INTS10: variants seen among roughly 807,000 people sequenced by gnomAD.
INTS10 encodes integrator complex subunit 10, also known as chromosome 8 open reading frame 35.
In INTS10, 44 loss-of-function variants were observed where a neutral mutation model predicts 94.4. That is an observed-to-expected ratio of 0.47 (90% CI 0.37 to 0.60). INTS10 has a LOEUF of 0.60. Among genes scored for constraint, INTS10 ranks in the 20% least tolerant of loss-of-function variants. INTS10 has a pLI of 0.00. For synonymous variants in INTS10, 341 were observed against 320.7 expected, an observed-to-expected ratio of 1.06 and a Z score of -0.68; for missense variants, 797 against 868.7, an observed-to-expected ratio of 0.92 and a Z score of 1.04.
In INTS10 at chr8:19,826,411, T is replaced by C. The variant is rs1381126443; in HGVS notation, c.1007-15T>C. The C allele has an allele frequency of 1.2e-6, 2 of 1,601,256 alleles. No homozygotes were observed. The highest frequency in any genetic ancestry group is 1.1e-5 in the South Asian group (1 of 88,720). Reference sequence around the variant, plus strand: ...TGCTGCACTGGTAAGTGTTGGTGTTTTTCCCCGTCCTTAGGTCCTAATGCC... The same window carrying C: ...TGCTGCACTGGTAAGTGTTGGTGTTCTTCCCCGTCCTTAGGTCCTAATGCC... On this transcript the variant is annotated splice_polypyrimidine_tract_variant and intron_variant, in intron 8 of 16. Coordinates refer to ENST00000397977, the MANE Select transcript of INTS10 (RefSeq NM_018142.4).
At chr8:19,831,924 A>G (rs2067258551) in intron 10 of INTS10, 104 bp from the exon 11 acceptor site, 5 of 725,122 alleles carry the variant, frequency 6.9e-6, no homozygotes, top group East Asian at 2.5e-5. Flanking sequence ...GTTACTATAC[A>G]TTTTTGGTAG....
At chr8:19,818,579 T>C in intron 2 of INTS10, 1 of 537,532 alleles carries the variant, frequency 1.9e-6, no homozygotes, top group Non-Finnish European at 3.3e-6. Flanking sequence ...TCATAATTTA[T>C]TCTAGAAATA....
intron 16 of INTS10, among the ~76,000 whole-genome samples, chr8:19,847,952 C>T (rs1214537023): frequency 6.6e-6 from 1 of 152,170 alleles, no homozygotes; most frequent in African/African-American, 2.4e-5. Context: ...AGACAAGCCT[C>T]TTAGGAAGGC....
Position 19,823,385 on chromosome 8 carries a change from C to T in INTS10, c.608C>T (p.Ala203Val), listed in dbSNP as rs2066540045. 3 of 1,606,350 alleles carry T rather than the reference C, an allele frequency of 1.9e-6. No homozygotes were observed. Among genetic ancestry groups the T allele is most frequent in the Non-Finnish European group, 2.6e-6 (3 of 1,173,028 alleles). ...TTGTATAAGTACTTGAACAAAGCAG[C>T]TGAATTTTATATCAATTATGTCACT... ...NLLYKYLNKAAEFYINYVTRS... is the reference protein window; with the variant it reads ...NLLYKYLNKAVEFYINYVTRS... Residue 203 changes from alanine (A) to valine (V), a missense_variant, in exon 6 of 17, where the codon GCT becomes GTT. Ala to Val is a moderately conservative substitution (Grantham distance 64). Around this residue, in one of 3 missense-constraint regions of INTS10, gnomAD observed 734 missense variants for 787.8 expected, o/e 0.93. Coordinates refer to ENST00000397977, the MANE Select transcript of INTS10 (RefSeq NM_018142.4).
At chr8:19,818,161 G>A in intron 1 of INTS10, 114 bp from the exon 2 acceptor site, 1 of 985,050 alleles carries the variant, frequency 1.0e-6, no homozygotes, top group Non-Finnish European at 1.6e-6. Context: ...GTCACCAGGC[G>A]GAGCTTCACT....
chr8:19,836,580 G>A (rs1178274888), intron 12 of INTS10, among the ~76,000 whole-genome samples: 1 of 152,200 alleles, frequency 6.6e-6, no homozygotes, highest in African/African-American at 2.4e-5. Context: ...CTTAGGTCAA[G>A]ATAACCTTCC....
At chr8:19,845,860 T>C (rs1049302945) in intron 16 of INTS10, 63 bp downstream of exon 16, 2 of 1,126,560 alleles carry the variant, frequency 1.8e-6, no homozygotes. Flanking sequence ...TTGTATGAAG[T>C]ATTTGTAAAT....
intron 12 of INTS10, among the ~76,000 whole-genome samples, chr8:19,835,629 G>C (rs1374298287): frequency 6.6e-6 from 1 of 152,168 alleles, no homozygotes; most frequent in Non-Finnish European, 1.5e-5. Context: ...ACAAGTCCTG[G>C]CTAGCTCTGT....
At chr8:19,831,716 T>C (rs548432725) in intron 10 of INTS10, among the ~76,000 whole-genome samples, 123 of 152,026 alleles carry the variant, frequency 8.1e-4, no homozygotes, top group Non-Finnish European at 1.2e-3. Flanking sequence ...AAATGGGACC[T>C]TGTTTTGGGG....
chr8:19,849,132 T>C lies in INTS10; in HGVS notation c.1977-2517T>C, dbSNP rs974616452. 15 of 1,204,650 alleles carry C rather than the reference T, an allele frequency of 1.2e-5. No homozygotes were observed. Among genetic ancestry groups the C allele is most frequent in the Non-Finnish European group, 1.6e-5 (15 of 911,382 alleles). The allele number at this position is 1,204,650 out of a possible 1,614,324, so 74.6% of individuals were successfully genotyped here. A position where few individuals can be genotyped will look rare whatever the true frequency, so the allele number is the denominator to read the frequency against. On this transcript the variant is annotated intron_variant, in intron 16 of 16. Transcript: ENST00000397977. The surrounding 1 kb of genome is among the most constrained non-coding windows in gnomAD (Gnocchi z 4.6). ...GTGCAGGGTGAGTCGGTGTGGGTGTTTGAATGCTGCTGTTTGCTGTTTTTT... is the reference window on the plus strand; with the variant it reads ...GTGCAGGGTGAGTCGGTGTGGGTGTCTGAATGCTGCTGTTTGCTGTTTTTT...
At position 19,817,530 on chromosome 8, in the gene INTS10, C is replaced by G. The variant is rs765894335; in HGVS notation, c.-8C>G. 1 of 1,604,808 alleles carries G rather than the reference C, an allele frequency of 6.2e-7. No homozygotes were observed. On this transcript the variant is annotated 5_prime_UTR_variant, in exon 1 of 17. Coordinates refer to ENST00000397977, the MANE Select transcript of INTS10 (RefSeq NM_018142.4). ...GCTTCGGGCTGGCGGCTGGAGAGCGCTCGGGTCATGTCTGCCCAGGGGGAC... is the reference window on the plus strand; with the variant it reads ...GCTTCGGGCTGGCGGCTGGAGAGCGGTCGGGTCATGTCTGCCCAGGGGGAC...
intron 13 of INTS10, among the ~76,000 whole-genome samples, chr8:19,838,250 G>A (rs1322678911): frequency 6.6e-6 from 1 of 152,100 alleles, no homozygotes; most frequent in African/African-American, 2.4e-5. Flanking sequence ...CAGCTACTCA[G>A]GAGGCTGAGG....
chr8:19,820,644 A>G, intron 4 of INTS10, 126 bp downstream of exon 4: 3 of 743,814 alleles, frequency 4.0e-6, no homozygotes, highest in Non-Finnish European at 6.0e-6. Context: ...GAACTGAAAT[A>G]GAAGGTTCTT....
Position 19,846,200 on chromosome 8 carries a change from T to A in INTS10, c.1976+403T>A, listed in dbSNP as rs1166788409. On this transcript the variant is annotated intron_variant, in intron 16 of 16. Transcript: ENST00000397977. The surrounding 1 kb of genome is among the most constrained non-coding windows in gnomAD (Gnocchi z 4.2). ...ACTTTGGGAGGCCAAGGAGGACAGA[T>A]CACCTAAGGCCAGGAATTCAGGACC... Among the ~76,000 whole-genome samples, 1 of 150,322 alleles carries A rather than the reference T, an allele frequency of 6.7e-6. No individual in the cohort carries two copies. The highest frequency in any genetic ancestry group is 1.5e-5 in the Non-Finnish European group (1 of 67,804).
rs758543775 is a variant in INTS10, at chr8:19,830,432, G to A, written c.1167G>A (p.Ala389=). Residue 389 remains alanine, a synonymous_variant, in exon 10 of 17, where the codon GCG becomes GCA. Coordinates refer to ENST00000397977, the MANE Select transcript of INTS10 (RefSeq NM_018142.4). ...GTTCAGACGATGAAGACTGTTCGGC[G>A]AAAGGAAGAAATCGTCACATTGTAG... ...TMSSDDEDCS[A]KGRNRHIVVN... The A allele has an allele frequency of 1.4e-5, 23 of 1,613,758 alleles. No homozygotes were observed. Among genetic ancestry groups the A allele is most frequent in the South Asian group, 1.3e-4 (12 of 91,042 alleles).
chr8:19,824,874 A>G lies in INTS10; in HGVS notation c.908A>G (p.His303Arg), dbSNP rs2066668584. 5 of 1,613,290 alleles carry G rather than the reference A, an allele frequency of 3.1e-6. No individual in the cohort carries two copies. Among genetic ancestry groups the G allele is most frequent in the Non-Finnish European group, 4.2e-6 (5 of 1,179,202 alleles). Residue 303 changes from histidine to arginine, a missense_variant, in exon 8 of 17, where the codon CAT (histidine) becomes CGT (arginine). By Grantham distance (29) the His-to-Arg change is conservative. This residue lies in a region of INTS10 where 734 missense variants were observed against 787.8 expected (regional missense o/e 0.93). Coordinates refer to ENST00000397977, the MANE Select transcript of INTS10 (RefSeq NM_018142.4). ...ATGAACAACTTTGATAGTGAAGCAC[A>G]TGCAAAATATAAAAACCAAGTGGTG... ...RYMNNFDSEA[H>R]AKYKNQVVYS...
chr8:19,839,830 AGGCAGGT>A (rs1372375848), intron 13 of INTS10, among the ~76,000 whole-genome samples: 1 of 152,182 alleles, frequency 6.6e-6, no homozygotes, highest in Non-Finnish European at 1.5e-5. Flanking sequence ...TGGGAGGCCG[AGGCAGGT>A]GGATCACTTG....
At chr8:19,845,123 AC>A (rs1406312340) in intron 15 of INTS10, among the ~76,000 whole-genome samples, 1 of 152,172 alleles carries the variant, frequency 6.6e-6, no homozygotes, top group Non-Finnish European at 1.5e-5. Context: ...AATGAAAGTT[AC>A]ATAATTTTTC....
At chr8:19,823,526 C>A in intron 6 of INTS10, 85 bp downstream of exon 6, 1 of 944,068 alleles carries the variant, frequency 1.1e-6, no homozygotes, top group Admixed American at 2.1e-5. Context: ...TCTGATTATT[C>A]TCCTCTGGAT....
Sources: gnomAD v4.1 joint callset for allele counts (sites outside exome capture counted in the v4.1 genomes callset) on GRCh38, gnomAD v4.1.1 for gene constraint, gnomAD v4.1.1 regional missense constraint, Gnocchi (gnomAD v3.1) non-coding constraint, MANE v1.5 for transcripts, NCBI Gene and HGNC (gene_info 2026-07-23, HGNC 2026-07-21) for gene names.